CCDC93: variants seen among roughly 807,000 people sequenced by gnomAD.
The protein encoded by CCDC93 is coiled-coil domain-containing protein 93.
In CCDC93, 61 loss-of-function variants were observed where a neutral mutation model predicts 108.2. The ratio of observed to expected loss-of-function variants is 0.56; its 90% CI spans 0.46 to 0.70. The LOEUF is 0.70. Ranked by LOEUF, CCDC93 falls within the 30% of genes least tolerant of loss-of-function variation. CCDC93 has a pLI of 0.00. For missense variants in CCDC93, 685 were observed against 764.2 expected (o/e 0.90, Z 1.22); for synonymous variants, 276 against 260.4 (o/e 1.06, Z -0.58).
chr2:117,983,777 T>G (rs1680232053), intron 7 of CCDC93, among the ~76,000 whole-genome samples: 1 of 151,948 alleles, frequency 6.6e-6, no homozygotes, highest in Non-Finnish European at 1.5e-5. Flanking sequence ...GGGAGAAGCC[T>G]TCCCAGGGAG....
rs745752558 is a variant in CCDC93 at position 117,975,155 on chromosome 2, A to G, written c.750+33T>C. Reference sequence around the variant, plus strand: ...CGATTTCTCCCAAAATGACTTACACAGAAACCTCAGAGGGCCTACATGGAC... The same window carrying G: ...CGATTTCTCCCAAAATGACTTACACGGAAACCTCAGAGGGCCTACATGGAC... On this transcript the variant is annotated intron_variant, in intron 9 of 23. Transcript: ENST00000376300. The G allele has an allele frequency of 2.7e-5, 43 of 1,566,394 alleles. 1 individual carries two copies. In the Admixed American group the frequency reaches 7.3e-4, roughly 27 times the overall value.
Position 117,949,413 on chromosome 2 carries a change from G to A in CCDC93, c.1069-18C>T, listed in dbSNP as rs775893754. The A allele has an allele frequency of 1.9e-6, 3 of 1,592,760 alleles. No individual in the cohort carries two copies. The highest frequency in any genetic ancestry group is 2.6e-6 in the Non-Finnish European group (3 of 1,160,996). ...GTCTTCAGCTGCAAGAGAGAATGAAGACATGGTTGCTGGAGCCTTGGTAGC... is the reference window on the plus strand; with the variant it reads ...GTCTTCAGCTGCAAGAGAGAATGAAAACATGGTTGCTGGAGCCTTGGTAGC... On this transcript the variant is annotated intron_variant, in intron 13 of 23. Coordinates refer to ENST00000376300, the MANE Select transcript of CCDC93 (RefSeq NM_019044.5).
At chr2:117,941,386 C>T (rs1032344733) in intron 18 of CCDC93, 89 bp from the exon 19 acceptor site, 8 of 974,074 alleles carry the variant, frequency 8.2e-6, no homozygotes, top group Non-Finnish European at 1.3e-5. Context: ...TGCACCCCGA[C>T]CTGAGCCCAA....
chr2:117,926,929 G>T (rs1297078554), intron 23 of CCDC93, among the ~76,000 whole-genome samples: 1 of 152,142 alleles, frequency 6.6e-6, no homozygotes, highest in Non-Finnish European at 1.5e-5. Flanking sequence ...CCATGATCAA[G>T]TGGGCTTCAT....
intron 7 of CCDC93, among the ~76,000 whole-genome samples, chr2:117,980,921 G>A (rs1170478544): frequency 6.6e-6 from 1 of 152,106 alleles, no homozygotes; most frequent in Non-Finnish European, 1.5e-5. Flanking sequence ...TGCTAATTCT[G>A]GAGATTTCAT....
At chr2:117,968,408 G>A (rs1004866619) in intron 11 of CCDC93, among the ~76,000 whole-genome samples, 6 of 152,274 alleles carry the variant, frequency 3.9e-5, no homozygotes, top group Non-Finnish European at 7.4e-5. Context: ...AAAGCACACT[G>A]GTACTTCTTG....
chr2:117,945,379 G>A, intron 17 of CCDC93, 150 bp downstream of exon 17: 1 of 641,674 alleles, frequency 1.6e-6, no homozygotes, highest in South Asian at 1.9e-5. Flanking sequence ...AGGCCTAGCT[G>A]TATCAAACAG....
At chr2:117,936,884 A>G in intron 20 of CCDC93, 145 bp from the exon 21 acceptor site, 2 of 674,336 alleles carry the variant, frequency 3.0e-6, no homozygotes, top group Non-Finnish European at 5.4e-6. Context: ...TAACATATGA[A>G]AAAAAAATTA....
chr2:118,008,742 A>C, intron 1 of CCDC93, 84 bp from the exon 2 acceptor site: 98 of 799,092 alleles, frequency 1.2e-4, no homozygotes, highest in East Asian at 2.0e-4. Flanking sequence ...CCACAAGCTC[A>C]TTGCCAAGGA....
chr2:118,009,579 C>A (rs1276470969), intron 1 of CCDC93, among the ~76,000 whole-genome samples: 1 of 152,084 alleles, frequency 6.6e-6, no homozygotes, highest in East Asian at 1.9e-4. Flanking sequence ...GGCTGAGGCA[C>A]GAGAATCACT....
intron 19 of CCDC93, among the ~76,000 whole-genome samples, chr2:117,939,801 C>CA (rs1260737475): frequency 6.6e-6 from 1 of 152,090 alleles, no homozygotes; most frequent in East Asian, 1.9e-4. Flanking sequence ...GTCCTCAAGG[C>CA]AAAATCTTAG....
intron 11 of CCDC93, among the ~76,000 whole-genome samples, chr2:117,964,533 AG>A (rs1202689436): frequency 6.6e-6 from 1 of 152,142 alleles, no homozygotes; most frequent in Admixed American, 6.5e-5. Context: ...ACAGTGCTTG[AG>A]GGAAGTGCTA....
At chr2:118,012,082 A>G (rs1248142886) in intron 1 of CCDC93, among the ~76,000 whole-genome samples, 1 of 152,234 alleles carries the variant, frequency 6.6e-6, no homozygotes, top group African/African-American at 2.4e-5. Context: ...GCTGGAAGGC[A>G]GGCCAAGTCT....
At chr2:117,946,766 C>T (rs375935568) in intron 16 of CCDC93, 45 bp downstream of exon 16, 172 of 1,380,326 alleles carry the variant, frequency 1.2e-4, no homozygotes, top group Non-Finnish European at 1.6e-4. Context: ...ATCTTTTTCC[C>T]GTAATAGCAC....
chr2:117,923,978 C>T (rs576898498), intron 23 of CCDC93, among the ~76,000 whole-genome samples: 20 of 152,318 alleles, frequency 1.3e-4, no homozygotes, highest in South Asian at 4.1e-4. Context: ...CACCAATATC[C>T]GCTGTTCTGC....
At chr2:117,922,288 A>G (rs974051644) in intron 23 of CCDC93, among the ~76,000 whole-genome samples, 1 of 152,188 alleles carries the variant, frequency 6.6e-6, no homozygotes, top group Non-Finnish European at 1.5e-5. Context: ...GTGAGCCTAC[A>G]GAATCATATT....
rs1312906911 is a variant in CCDC93 at position 117,975,298 on chromosome 2, A to C, written c.658-18T>G. The C allele has an allele frequency of 1.9e-6, 3 of 1,581,336 alleles. No individual in the cohort carries two copies. Among genetic ancestry groups the C allele is most frequent in the Non-Finnish European group, 2.6e-6 (3 of 1,153,002 alleles). ...TCCTCAGCCTGCAAGGGAAGATGTG[A>C]AAACAGCTGAGCACGGGAGATGGAG... On this transcript the variant is annotated intron_variant, in intron 8 of 23. Transcript: ENST00000376300.
intron 20 of CCDC93, among the ~76,000 whole-genome samples, chr2:117,937,277 C>T (rs776150787): frequency 1.3e-5 from 2 of 152,270 alleles, no homozygotes; most frequent in East Asian, 3.9e-4. Flanking sequence ...GCCTTAGCCC[C>T]GCAGCAAATC....
intron 4 of CCDC93, chr2:117,998,605 A>G (rs945738233): frequency 3.3e-5 from 5 of 152,232 alleles, no homozygotes; most frequent in African/African-American, 1.2e-4. Flanking sequence ...TCCCATCCAG[A>G]CAGACCCTCT....
Sources: allele counts gnomAD v4.1 joint callset (sites outside exome capture counted in the v4.1 genomes callset), GRCh38; gene constraint gnomAD v4.1.1; transcripts MANE v1.5; gene names NCBI Gene and HGNC (gene_info 2026-07-23, HGNC 2026-07-21).